Variants in NIBAN1 observed in about 807,000 individuals in gnomAD.
NIBAN1 encodes protein Niban 1.
A neutral mutation model predicts 75.1 loss-of-function variants in NIBAN1; 81 were observed. The ratio of observed to expected loss-of-function variants is 1.08; its 90% CI spans 0.90 to 1.30. The LOEUF is 1.30. NIBAN1 is among the 50% of genes most tolerant of loss of function. The pLI, the probability that NIBAN1 is intolerant of heterozygous loss-of-function variation, is 0.00. For missense variants in NIBAN1, 1,133 were observed against 1,128.1 expected, an observed-to-expected ratio of 1.00 and a Z score of -0.06; for synonymous variants, 436 against 424.8, an observed-to-expected ratio of 1.03 and a Z score of -0.32.
At chr1:184,902,448 A>AGCTG (rs1474852739) in intron 1 of NIBAN1, among the ~76,000 whole-genome samples, 1 of 152,212 alleles carries the variant, frequency 6.6e-6, no homozygotes, top group Non-Finnish European at 1.5e-5. Flanking sequence ...TCAGCATGAT[A>AGCTG]GCTGGCACAT....
At chr1:184,890,508 A>G (rs1656640891) in intron 3 of NIBAN1, among the ~76,000 whole-genome samples, 1 of 152,240 alleles carries the variant, frequency 6.6e-6, no homozygotes, top group Non-Finnish European at 1.5e-5. Context: ...ACATAATCTC[A>G]GTAACCCTGA....
At chr1:184,956,192 C>T (rs1028026673) in intron 1 of NIBAN1, among the ~76,000 whole-genome samples, 1 of 152,060 alleles carries the variant, frequency 6.6e-6, no homozygotes. Context: ...CTACATTTGG[C>T]TCATTTTTGT....
At chr1:184,819,773 C>G (rs1393892038) in intron 8 of NIBAN1, among the ~76,000 whole-genome samples, 1 of 152,186 alleles carries the variant, frequency 6.6e-6, no homozygotes, top group Non-Finnish European at 1.5e-5. Context: ...AATCTCTCCA[C>G]TTTACAGATG....
In NIBAN1 at chr1:184,795,985, G is replaced by T; in HGVS notation, c.1779C>A (p.Asn593Lys). 6.2e-7 allele frequency: 1 copy of T among 1,613,986 alleles called. No individual in the cohort carries two copies. Among genetic ancestry groups the T allele is most frequent in the African/African-American group, 1.3e-5 (1 of 75,070 alleles). Residue 593 changes from asparagine (N) to lysine (K), a missense_variant, in exon 14 of 14, where the codon AAC becomes AAA. Physicochemically the swap from Asn to Lys is moderately conservative, Grantham distance 94. Transcript: ENST00000367511. The part of the protein sequence containing the change: ...LTDLKPPTGS[N>K]QASPARRASA... ...AAGCTCTCCTGGCAGGGCTGGCCTGGTTTGACCCTGTGGGGGGCTTTAGAT... is the reference window on the plus strand; with the variant it reads ...AAGCTCTCCTGGCAGGGCTGGCCTGTTTTGACCCTGTGGGGGGCTTTAGAT...
intron 1 of NIBAN1, among the ~76,000 whole-genome samples, chr1:184,941,781 C>A (rs140566430): frequency 1.3e-5 from 2 of 152,068 alleles, no homozygotes; most frequent in African/African-American, 4.8e-5. Flanking sequence ...TACTAAATGC[C>A]AGTCAGAAGT....
chr1:184,897,277 A>AGTGTGTGTGTGTGTGTGT (rs34548568), intron 2 of NIBAN1, among the ~76,000 whole-genome samples: 1 of 132,584 alleles, frequency 7.5e-6, no homozygotes, highest in Non-Finnish European at 1.6e-5. Flanking sequence ...TGTACTCCTA[A>AGTGTGTGTGTGTGTGTGT]GTGTGTGTGT....
intron 1 of NIBAN1, among the ~76,000 whole-genome samples, chr1:184,962,792 T>C (rs1480058804): frequency 6.6e-6 from 1 of 152,212 alleles, no homozygotes; most frequent in Non-Finnish European, 1.5e-5. Context: ...TTCATAATGA[T>C]TTTTATAGTC....
chr1:184,815,726 G>A (rs1326561876), intron 9 of NIBAN1, among the ~76,000 whole-genome samples: 1 of 152,178 alleles, frequency 6.6e-6, no homozygotes, highest in Non-Finnish European at 1.5e-5. Flanking sequence ...CCCAGTGTAG[G>A]TGAGAAACTT....
intron 1 of NIBAN1, among the ~76,000 whole-genome samples, chr1:184,929,911 C>CA (rs1454354232): frequency 1.2e-4 from 19 of 152,166 alleles, no homozygotes; most frequent in Admixed American, 2.0e-4. Flanking sequence ...TGTAAGCCTG[C>CA]AACTAGCAGA....
intron 10 of NIBAN1, among the ~76,000 whole-genome samples, chr1:184,807,064 C>T (rs1654221025): frequency 6.6e-6 from 1 of 152,196 alleles, no homozygotes; most frequent in South Asian, 2.1e-4. Flanking sequence ...GCCACTGTGC[C>T]TGGCCACAAT....
intron 12 of NIBAN1, among the ~76,000 whole-genome samples, chr1:184,799,992 G>A (rs1438200773): frequency 4.0e-5 from 4 of 100,660 alleles, no homozygotes; most frequent in East Asian, 3.4e-4. Context: ...TGATCCGCCC[G>A]CCTCGGCCTC....
intron 1 of NIBAN1, among the ~76,000 whole-genome samples, chr1:184,922,197 T>C (rs1263810313): frequency 6.6e-6 from 1 of 152,186 alleles, no homozygotes; most frequent in Admixed American, 6.5e-5. Flanking sequence ...ATCACATCAG[T>C]ATAAATAGGG....
At chr1:184,901,850 C>T (rs773963551) in intron 1 of NIBAN1, among the ~76,000 whole-genome samples, 1 of 152,106 alleles carries the variant, frequency 6.6e-6, no homozygotes, top group African/African-American at 2.4e-5. Context: ...ACACATCATC[C>T]ACCAGGTAGC....
chr1:184,948,328 T>A (rs891711311), intron 1 of NIBAN1, among the ~76,000 whole-genome samples: 1 of 152,100 alleles, frequency 6.6e-6, no homozygotes, highest in Non-Finnish European at 1.5e-5. Flanking sequence ...TTGACCTTAA[T>A]AGGACAGATA....
chr1:184,811,502 T>TTTTTTTTTTTTG lies in NIBAN1; in HGVS notation c.1174-3268_1174-3267insCAAAAAAAAAAA, dbSNP rs1553215631. Among the ~76,000 whole-genome samples, 671 of 126,470 alleles carry TTTTTTTTTTTTG rather than the reference T, an allele frequency of 5.3e-3. 7 individuals are homozygous for TTTTTTTTTTTTG. Among genetic ancestry groups the TTTTTTTTTTTTG allele is most frequent in the African/African-American group, 0.016 (527 of 32,986 alleles). The allele number at this position is 126,470 out of a possible 152,430, so 83.0% of individuals were successfully genotyped here. A position where few individuals can be genotyped will look rare whatever the true frequency, so the allele number is the denominator to read the frequency against. ...ACAATGCATTGAGGTACTTTCTTCCTTTTTTTTTTTGTTTTTTTTTTTGAG... is the reference window on the plus strand; with the variant it reads ...ACAATGCATTGAGGTACTTTCTTCCTTTTTTTTTTTTGTTTTTTTTTTGTTTTTTTTTTTGAG... On this transcript the variant is annotated intron_variant, in intron 9 of 13. Transcript: ENST00000367511.
rs1653697491 is a variant in NIBAN1, at chr1:184,791,587, T to C, written c.*3390A>G. 6.6e-6 allele frequency: 1 copy of C among 152,166 alleles called. No homozygotes were observed. The highest frequency in any genetic ancestry group is 1.5e-5 in the Non-Finnish European group (1 of 68,044). The allele number at this position is 152,166 out of a possible 1,614,324, so 9.4% of individuals were successfully genotyped here. On this transcript the variant is annotated 3_prime_UTR_variant, in exon 14 of 14. Coordinates refer to ENST00000367511, the MANE Select transcript of NIBAN1 (RefSeq NM_052966.4). ...AGGGAAAAAATGACAAGCCCAGTTT[T>C]TTTCAAGGGAAATATTTTTTCTCTG... is the stretch of plus-strand genomic sequence containing the variant.
intron 1 of NIBAN1, among the ~76,000 whole-genome samples, chr1:184,913,868 G>A (rs1657312049): frequency 6.6e-6 from 1 of 152,146 alleles, no homozygotes; most frequent in South Asian, 2.1e-4. Context: ...GGTAAGAAGT[G>A]GATTGCAGCC....
chr1:184,916,426 G>A (rs745339758), intron 1 of NIBAN1, among the ~76,000 whole-genome samples: 10 of 152,112 alleles, frequency 6.6e-5, no homozygotes, highest in Admixed American at 6.5e-4. Flanking sequence ...GACAATGATA[G>A]GCTAACTGTA....
At chr1:184,882,010 T>G (rs1571543794) in intron 5 of NIBAN1, among the ~76,000 whole-genome samples, 1 of 152,142 alleles carries the variant, frequency 6.6e-6, no homozygotes, top group East Asian at 1.9e-4. Context: ...TTGCTCTGGT[T>G]CACACGCCTC....
Sources: gnomAD v4.1 joint callset for allele counts (sites outside exome capture counted in the v4.1 genomes callset) on GRCh38, gnomAD v4.1.1 for gene constraint, MANE v1.5 for transcripts, NCBI Gene and HGNC (gene_info 2026-07-23, HGNC 2026-07-21) for gene names.